FLACC1: variants seen among roughly 807,000 people sequenced by gnomAD.
FLACC1 encodes flagellum associated containing coiled-coil domains 1.
In FLACC1, 66 loss-of-function variants were observed where a neutral mutation model predicts 62.8. That is an observed-to-expected ratio of 1.05 (90% confidence interval 0.86 to 1.29). The LOEUF (loss-of-function observed/expected upper bound fraction) is 1.29, where lower values mean the gene tolerates loss of function less well. FLACC1 is among the 50% of genes most tolerant of loss of function. The probability of loss-of-function intolerance (pLI) is 0.00; values close to 1 mark genes in which losing one functional copy is unlikely to be tolerated. For missense variants in FLACC1, 452 were observed against 489.1 expected (o/e 0.92, Z 0.71); for synonymous variants, 156 against 161.0 (o/e 0.97, Z 0.24).
intron 1 of FLACC1, among the ~76,000 whole-genome samples, chr2:201,356,263 C>T (rs758262885): frequency 2.6e-5 from 4 of 152,178 alleles, no homozygotes; most frequent in South Asian, 2.1e-4. Context: ...GAGGTTCAAG[C>T]GATTCTCCTG....
rs1305046594 is a variant in FLACC1 at position 201,293,424 on chromosome 2, T to G, written c.943-3639A>C. Among the ~76,000 whole-genome samples the G allele has an allele frequency of 3.3e-5, 5 of 152,148 alleles. No individual in the cohort carries two copies. The East Asian group carries it at 9.6e-4, about 29-fold the overall frequency. On this transcript the variant is annotated intron_variant, in intron 12 of 14. Coordinates refer to ENST00000392257, the MANE Select transcript of FLACC1 (RefSeq NM_001127391.3). ...GAACAACCTGCTCCTGAATGACTAC[T>G]GGGTACATAATGAAATGAAGGCAGA...
At position 201,307,547 on chromosome 2, in the gene FLACC1, A is replaced by G. The variant is rs763143008; in HGVS notation, c.851T>C (p.Val284Ala). ...CTTCTCTTGAATGAAGTTCTCAAAG[A>G]CAGCACTGCAGGATTCATTTATTTT... Reference protein sequence around the residue: ...DKKINESCSAVFENFIQEKEE... With the variant: ...DKKINESCSAAFENFIQEKEE... Residue 284 changes from valine to alanine, a missense_variant, in exon 11 of 15, where the codon GTC becomes GCC. Transcript: ENST00000392257. The G allele has an allele frequency of 1.9e-5, 31 of 1,614,050 alleles. No individual in the cohort carries two copies.
At position 201,326,736 on chromosome 2, in the gene FLACC1, A is replaced by G. The variant is rs1202854960; in HGVS notation, c.675+3734T>C. On this transcript the variant is annotated intron_variant, in intron 9 of 14. Transcript: ENST00000392257. This position sits in a 1 kb window ranked among gnomAD's most constrained non-coding sequence, Gnocchi z 4.1. ...AAGAATCAACGTTGTGAAAATGACC[A>G]TACTGCCCAAAGTAATCTTGCATTA... Among the ~76,000 whole-genome samples the G allele has an allele frequency of 6.6e-6, 1 of 152,222 alleles. No homozygotes were observed. The highest frequency in any genetic ancestry group is 1.5e-5 in the Non-Finnish European group (1 of 68,030).
At position 201,351,413 on chromosome 2, in the gene FLACC1, G is replaced by A; in HGVS notation, c.-9C>T. 1 of 1,594,240 alleles carries A rather than the reference G, an allele frequency of 6.3e-7. No homozygotes were observed. Among genetic ancestry groups the A allele is most frequent in the Non-Finnish European group, 8.6e-7 (1 of 1,162,610 alleles). On this transcript the variant is annotated 5_prime_UTR_variant, in exon 2 of 15. Transcript: ENST00000392257. ...AGAGGGTTGGGGTACATGGCCAAAG[G>A]TCAGGGGGAGTCTTGGCTGCTAGAT...
At chr2:201,317,658 C>T (rs1950330446) in intron 9 of FLACC1, among the ~76,000 whole-genome samples, 1 of 152,078 alleles carries the variant, frequency 6.6e-6, no homozygotes, top group South Asian at 2.1e-4. Context: ...CAATTCCCAT[C>T]AAAATACCAC....
intron 1 of FLACC1, chr2:201,351,805 A>G (rs938761028): frequency 6.0e-4 from 109 of 181,106 alleles, no homozygotes; most frequent in African/African-American, 2.2e-3. Flanking sequence ...TTAGCTGGGC[A>G]TGGTGGCACA....
chr2:201,322,451 C>T (rs981226530), intron 9 of FLACC1, among the ~76,000 whole-genome samples: 8 of 152,014 alleles, frequency 5.3e-5, no homozygotes, highest in Admixed American at 2.6e-4. Flanking sequence ...AAAAAACTCT[C>T]TATAACCAAG....
At chr2:201,294,652 G>A (rs1028600452) in intron 12 of FLACC1, among the ~76,000 whole-genome samples, 1 of 152,190 alleles carries the variant, frequency 6.6e-6, no homozygotes, top group South Asian at 2.1e-4. Context: ...ATTCAACATA[G>A]TGTTGGAAGT....
chr2:201,328,077 A>G (rs1389957489), intron 9 of FLACC1, among the ~76,000 whole-genome samples: 1 of 152,106 alleles, frequency 6.6e-6, no homozygotes, highest in Non-Finnish European at 1.5e-5. Context: ...AAACTGTATG[A>G]TGTCACTTAA....
At chr2:201,298,999 C>T (rs576067642) in intron 12 of FLACC1, among the ~76,000 whole-genome samples, 1 of 152,334 alleles carries the variant, frequency 6.6e-6, no homozygotes, top group South Asian at 2.1e-4. Flanking sequence ...TTGAAGATCA[C>T]ATAGTATATT....
chr2:201,344,070 T>C (rs888064985), intron 6 of FLACC1, 100 bp downstream of exon 6: 39 of 1,007,372 alleles, frequency 3.9e-5, no homozygotes, highest in Non-Finnish European at 4.5e-6. Context: ...ACATGGCTCA[T>C]ATGAGTAAAG....
chr2:201,289,408 C>T (rs765920844), intron 14 of FLACC1, 49 bp downstream of exon 14: 1 of 1,560,728 alleles, frequency 6.4e-7, no homozygotes. Flanking sequence ...CAAACTCCTT[C>T]CCACTCCTAA....
Position 201,345,484 on chromosome 2 carries a change from G to GTA in FLACC1, c.368+1056_368+1057dup, listed in dbSNP as rs60131031. Reference sequence around the variant, plus strand: ...TGTGTGTGTGTGTGTGTGTGTGTGTGTATGTGTGTGTGTGTTTTCTATTGT... The same window carrying GTA: ...TGTGTGTGTGTGTGTGTGTGTGTGTGTATATGTGTGTGTGTGTTTTCTATTGT... On this transcript the variant is annotated intron_variant, in intron 5 of 14. Coordinates refer to ENST00000392257, the MANE Select transcript of FLACC1 (RefSeq NM_001127391.3). 4.8e-5 allele frequency among the ~76,000 whole-genome samples: 7 copies of GTA among 145,118 alleles called. No individual in the cohort carries two copies. The East Asian group carries it at 1.2e-3, about 25-fold the overall frequency.
chr2:201,359,830 A>C (rs903479278), upstream of FLACC1, among the ~76,000 whole-genome samples: 1 of 152,172 alleles, frequency 6.6e-6, no homozygotes, highest in African/African-American at 2.4e-5. Flanking sequence ...TTAGAGAAGA[A>C]TTGATAGACT....
intron 4 of FLACC1, among the ~76,000 whole-genome samples, chr2:201,347,148 A>G (rs935733568): frequency 5.1e-4 from 63 of 123,894 alleles, no homozygotes; most frequent in African/African-American, 1.5e-3. Flanking sequence ...ATATGAGAAA[A>G]TGACTAGGAC....
chr2:201,346,795 G>A lies in FLACC1; in HGVS notation c.235-120C>T. On this transcript the variant is annotated intron_variant, in intron 4 of 14. Coordinates refer to ENST00000392257, the MANE Select transcript of FLACC1 (RefSeq NM_001127391.3). This position sits in a 1 kb window ranked among gnomAD's most constrained non-coding sequence, Gnocchi z 4.0. The stretch of plus-strand genomic sequence containing the variant: ...AGGGACCTGGGACTCCACAGCCCAA[G>A]CCCTTCTGGGCCCTTCACCCATTAT... 1.7e-6 allele frequency: 2 copies of A among 1,145,438 alleles called. No individual in the cohort carries two copies. The highest frequency in any genetic ancestry group is 2.5e-6 in the Non-Finnish European group (2 of 806,412). The allele number at this position is 1,145,438 out of a possible 1,614,324, so 71.0% of individuals were successfully genotyped here.
chr2:201,305,758 T>A (rs1681621331), intron 11 of FLACC1, among the ~76,000 whole-genome samples: 2 of 152,146 alleles, frequency 1.3e-5, no homozygotes, highest in Admixed American at 1.3e-4. Context: ...GCAGCCATAA[T>A]AATGGATGAG....
intron 1 of FLACC1, among the ~76,000 whole-genome samples, 153 bp from the exon 2 acceptor site, chr2:201,351,604 C>T (rs1407287050): frequency 6.6e-6 from 1 of 152,234 alleles, no homozygotes; most frequent in Non-Finnish European, 1.5e-5. Context: ...AGGTTAACAG[C>T]TCATCCCTTT....
the FLACC1 span, among the ~76,000 whole-genome samples, chr2:201,362,968 G>A: frequency 6.6e-6 from 1 of 152,176 alleles, no homozygotes; most frequent in Non-Finnish European, 1.5e-5. Context: ...AGTTTCTCCT[G>A]TGTGATGAGA....
Sources: allele counts gnomAD v4.1 joint callset (sites outside exome capture counted in the v4.1 genomes callset), GRCh38; gene constraint gnomAD v4.1.1; non-coding constraint Gnocchi (gnomAD v3.1); transcripts MANE v1.5; gene names NCBI Gene and HGNC (gene_info 2026-07-23, HGNC 2026-07-21).